EP300: variants seen among roughly 807,000 people sequenced by gnomAD.
EP300 encodes the protein histone acetyltransferase p300.
Under a neutral mutation model 264.0 loss-of-function variants are expected in EP300, and 31 were observed. The ratio of observed to expected loss-of-function variants is 0.12; its 90% CI spans 0.09 to 0.16. EP300 has a LOEUF of 0.16. Ranked by LOEUF, EP300 falls within the 10% of genes least tolerant of loss-of-function variation. EP300 has a pLI of 1.00. For missense variants in EP300, 2,766 were observed against 3,052.9 expected, an observed-to-expected ratio of 0.91 and a Z score of 2.21; for synonymous variants, 1,340 against 1,045.4, an observed-to-expected ratio of 1.28 and a Z score of -5.44.
At chr22:41,156,680 G>A (rs1487517660) in intron 17 of EP300, among the ~76,000 whole-genome samples, 1 of 152,170 alleles carries the variant, frequency 6.6e-6, no homozygotes, top group Non-Finnish European at 1.5e-5. Context: ...AGCCAAGATT[G>A]CACCACTGCA....
At chr22:41,096,865 C>T (rs2058705494) in intron 1 of EP300, among the ~76,000 whole-genome samples, 1 of 152,172 alleles carries the variant, frequency 6.6e-6, no homozygotes, top group East Asian at 1.9e-4. Context: ...GTGATCCACC[C>T]GCCTCAGCCT....
chr22:41,144,333 A>G (rs1226168274), intron 10 of EP300, among the ~76,000 whole-genome samples: 1 of 152,086 alleles, frequency 6.6e-6, no homozygotes, highest in East Asian at 1.9e-4. Flanking sequence ...TTGTTTGTGT[A>G]TATTTTCTTT....
intron 1 of EP300, among the ~76,000 whole-genome samples, chr22:41,100,292 C>G (rs999529028): frequency 6.6e-6 from 1 of 152,046 alleles, no homozygotes; most frequent in Non-Finnish European, 1.5e-5. Context: ...TATTTTTGTA[C>G]CACAGGTGTT....
rs1449823602 is a variant in EP300, at chr22:41,108,309, C to T, written c.95-8878C>T. Among the ~76,000 whole-genome samples the T allele has an allele frequency of 4.5e-5, 6 of 133,412 alleles. No individual in the cohort carries two copies. In the East Asian group the frequency reaches 1.1e-3, roughly 25 times the overall value. The allele number at this position is 133,412 out of a possible 152,430, so 87.5% of individuals were successfully genotyped here. ...TGTCGCCCAGTCTGGAGTGCAGTGG[C>T]GTGATCATGGCTCGCTGCAACCTCA... On this transcript the variant is annotated intron_variant, in intron 1 of 30. Coordinates refer to ENST00000263253, the MANE Select transcript of EP300 (RefSeq NM_001429.4).
chr22:41,170,936 T>A (rs900062909), intron 27 of EP300, among the ~76,000 whole-genome samples: 1 of 151,064 alleles, frequency 6.6e-6, no homozygotes, highest in Non-Finnish European at 1.5e-5. Flanking sequence ...GTGCTGGGAT[T>A]ACAGGCATGA....
At chr22:41,121,901 C>T (rs745861241) in intron 2 of EP300, among the ~76,000 whole-genome samples, 1 of 152,054 alleles carries the variant, frequency 6.6e-6, no homozygotes, top group African/African-American at 2.4e-5. Context: ...CATACTATAT[C>T]TATCATGAAT....
At chr22:41,127,951 G>T (rs960101360) in intron 4 of EP300, among the ~76,000 whole-genome samples, 1 of 152,136 alleles carries the variant, frequency 6.6e-6, no homozygotes, top group African/African-American at 2.4e-5. Flanking sequence ...ACTTTGGTAG[G>T]CCAAATGGGG....
intron 16 of EP300, among the ~76,000 whole-genome samples, chr22:41,154,104 A>T (rs908918947): frequency 6.6e-6 from 1 of 152,208 alleles, no homozygotes; most frequent in Non-Finnish European, 1.5e-5. Context: ...AACTAAGTCT[A>T]TTATTTTAGC....
rs1358571899 is a variant in EP300, at chr22:41,179,290, T to A, written c.*334T>A. The A allele has an allele frequency of 6.7e-6, 2 of 297,356 alleles. No homozygotes were observed. The highest frequency in any genetic ancestry group is 1.3e-5 in the Non-Finnish European group (2 of 157,428). 18.4% of individuals were successfully genotyped at this position (297,356 alleles called of 1,614,324 possible). ...TTGCACCTCCAATAGGTTTTATTAT[T>A]TTTTTTAAATTAATGAACATATGTA... is the stretch of plus-strand genomic sequence containing the variant. On this transcript the variant is annotated 3_prime_UTR_variant, in exon 31 of 31. Coordinates refer to ENST00000263253, the MANE Select transcript of EP300 (RefSeq NM_001429.4).
chr22:41,136,792 C>A (rs1411481381), intron 7 of EP300, among the ~76,000 whole-genome samples: 3 of 152,136 alleles, frequency 2.0e-5, no homozygotes, highest in Non-Finnish European at 4.4e-5. Context: ...CCGAGCATGG[C>A]AGCTCCCCTG....
At chr22:41,174,889 T>C (rs1407020088) in intron 29 of EP300, 1 of 152,174 alleles carries the variant, frequency 6.6e-6, no homozygotes, top group Non-Finnish European at 1.5e-5. Context: ...GATGTTATCA[T>C]GGTGAACACC....
In EP300 at chr22:41,151,972, A is replaced by C. The variant is rs1258741946; in HGVS notation, c.2957A>C (p.Gln986Pro). The change falls in exon 15 of 31, where the codon CAA becomes CCA. Residue 986 changes from glutamine to proline, a missense_variant. Gln to Pro is a moderately conservative substitution (Grantham distance 76). Transcript: ENST00000263253. ...ATGGAGGCCAAAATGGAAGTGGATC[A>C]ACCAGAACCAGCAGATACTCAGCCG... ...VKMEAKMEVD[Q>P]PEPADTQPED... The C allele has an allele frequency of 6.2e-7, 1 of 1,614,242 alleles. No homozygotes were observed. Among genetic ancestry groups the C allele is most frequent in the Non-Finnish European group, 8.5e-7 (1 of 1,180,050 alleles).
chr22:41,172,601 G>A lies in EP300; in HGVS notation c.4555G>A (p.Glu1519Lys), dbSNP rs2145770318. 1 of 1,614,086 alleles carries A rather than the reference G, an allele frequency of 6.2e-7. No homozygotes were observed. Among genetic ancestry groups the A allele is most frequent in the Non-Finnish European group, 8.5e-7 (1 of 1,179,978 alleles). ...WPNVLEESIK[E>K]LEQEEEERKR... ...CAATGTTCTGGAAGAAAGCATTAAG[G>A]AACTGGAACAGGAGGAAGAAGAGAG... is the stretch of plus-strand genomic sequence containing the variant. The change falls in exon 28 of 31, where the codon GAA (glutamate) becomes AAA (lysine). Residue 1519 changes from glutamate to lysine, a missense_variant. Glu to Lys is a moderately conservative substitution (Grantham distance 56). Transcript: ENST00000263253.
At chr22:41,119,210 G>A (rs368163376) in intron 2 of EP300, among the ~76,000 whole-genome samples, 3 of 139,472 alleles carry the variant, frequency 2.2e-5, no homozygotes, top group African/African-American at 8.1e-5. Flanking sequence ...TTAAGAGATG[G>A]GGTCTCACTA....
intron 17 of EP300, 133 bp from the exon 18 acceptor site, chr22:41,157,036 C>T: frequency 1.9e-6 from 2 of 1,028,900 alleles, no homozygotes; most frequent in Non-Finnish European, 2.9e-6. Flanking sequence ...GGACATCAGT[C>T]ACCTCTTGGG....
intron 2 of EP300, among the ~76,000 whole-genome samples, chr22:41,122,412 C>A (rs1045409202): frequency 6.6e-6 from 1 of 151,996 alleles, no homozygotes; most frequent in African/African-American, 2.4e-5. Flanking sequence ...GTGATCCATC[C>A]ACCGCCACCT....
chr22:41,156,351 A>G (rs558909050), intron 17 of EP300, among the ~76,000 whole-genome samples: 1 of 152,292 alleles, frequency 6.6e-6, no homozygotes, highest in African/African-American at 2.4e-5. Flanking sequence ...ATAGCAGAAA[A>G]AAGGACCGTG....
chr22:41,133,577 C>T (rs185873498), intron 6 of EP300, among the ~76,000 whole-genome samples: 45 of 152,200 alleles, frequency 3.0e-4, no homozygotes, highest in African/African-American at 9.4e-4. Context: ...ATCCCAAATC[C>T]AAAAATCAAA....
intron 1 of EP300, chr22:41,107,990 A>G (rs1264599145): frequency 6.6e-6 from 1 of 152,204 alleles, no homozygotes; most frequent in Non-Finnish European, 1.5e-5. Flanking sequence ...GGCGTGAGCC[A>G]CCACGCCCGG....
Sources: allele counts gnomAD v4.1 joint callset (sites outside exome capture counted in the v4.1 genomes callset), GRCh38; gene constraint gnomAD v4.1.1; transcripts MANE v1.5; gene names NCBI Gene and HGNC (gene_info 2026-07-23, HGNC 2026-07-21).